TTC16: variants seen among roughly 807,000 people sequenced by gnomAD.
The protein encoded by TTC16 is tetratricopeptide repeat domain 16.
Under a neutral mutation model 80.4 loss-of-function variants are expected in TTC16, and 66 were observed. The ratio of observed to expected loss-of-function variants is 0.82; its 90% confidence interval spans 0.67 to 1.01. The LOEUF (loss-of-function observed/expected upper bound fraction) is 1.01. Among genes scored for constraint, TTC16 ranks in the 50% least tolerant of loss-of-function variants. The pLI, the probability that TTC16 is intolerant of heterozygous loss-of-function variation, is 0.00. For synonymous variants in TTC16, 438 were observed against 451.3 expected, an observed-to-expected ratio of 0.97 and a Z score of 0.37; for missense variants, 1,070 against 1,103.2, an observed-to-expected ratio of 0.97 and a Z score of 0.43.
intron 4 of TTC16, 107 bp from the exon 5 acceptor site, chr9:127,719,971 C>T: frequency 2.2e-6 from 2 of 920,554 alleles, no homozygotes; most frequent in Non-Finnish European, 3.5e-6. Context: ...AAGGCTCTGT[C>T]CTTGTCTTTG....
Position 127,731,476 on chromosome 9 carries a change from C to CA in TTC16, c.*72dup. The CA allele has an allele frequency of 6.5e-7, 1 of 1,528,230 alleles. No individual in the cohort carries two copies. The highest frequency in any genetic ancestry group is 8.8e-7 in the Non-Finnish European group (1 of 1,139,588). 94.7% of individuals were successfully genotyped at this position (1,528,230 alleles called of 1,614,324 possible). A position where few individuals can be genotyped will look rare whatever the true frequency, so the allele number is the denominator to read the frequency against. On this transcript the variant is annotated 3_prime_UTR_variant, in exon 14 of 14. Coordinates refer to ENST00000373289, the MANE Select transcript of TTC16 (RefSeq NM_144965.3). ...CTACCCACCTCCCCACACTGGCACT[C>CA]AGCCAGCTGCCTCCTTCCAGAGCAA... is the stretch of plus-strand genomic sequence containing the variant.
At chr9:127,724,938 G>C in intron 9 of TTC16, 41 bp downstream of exon 9, 1 of 1,454,544 alleles carries the variant, frequency 6.9e-7, no homozygotes, top group Non-Finnish European at 9.0e-7. Flanking sequence ...GGGCAGGCCC[G>C]AGGGCAGGGC....
Position 127,730,750 on chromosome 9 carries a change from C to A in TTC16, c.1967C>A (p.Ser656Ter). 1.9e-6 allele frequency: 3 copies of A among 1,613,700 alleles called. No individual in the cohort carries two copies. The South Asian group carries it at 3.3e-5, about 18-fold the overall frequency. The change falls in exon 14 of 14, where the codon TCG becomes TAG. Residue 656 changes from serine to a stop codon, truncating the protein, a stop_gained. Transcript: ENST00000373289. LOFTEE classifies it low-confidence loss of function (END_TRUNC). ...TCGTCACTGTTGAAGACGCAATCCTCGGACTCTGGGAACAACAGGGAGGCA... is the reference window on the plus strand; with the variant it reads ...TCGTCACTGTTGAAGACGCAATCCTAGGACTCTGGGAACAACAGGGAGGCA... Reference protein sequence around the residue: ...SDSSLLKTQSSDSGNNREALS... With the variant: ...SDSSLLKTQS
Position 127,731,246 on chromosome 9 carries a change from C to T in TTC16, c.2463C>T (p.Ala821=). ...SNWSLSKTEY[A]QGQGQRSSKA... is the part of the protein sequence containing the mutation. ...GGAGCCTCAGCAAAACTGAGTATGC[C>T]CAAGGCCAGGGCCAGAGGTCCAGCA... The change falls in exon 14 of 14, where the codon GCC becomes GCT. Residue 821 remains alanine (A), a synonymous_variant. Transcript: ENST00000373289. 1 of 1,612,930 alleles carries T rather than the reference C, an allele frequency of 6.2e-7. No homozygotes were observed. Among genetic ancestry groups the T allele is most frequent in the Non-Finnish European group, 8.5e-7 (1 of 1,179,896 alleles).
chr9:127,731,190 A>G lies in TTC16; in HGVS notation c.2407A>G (p.Thr803Ala), dbSNP rs146346251. The G allele has an allele frequency of 1.1e-4, 181 of 1,612,808 alleles. No individual in the cohort carries two copies. The highest frequency in any genetic ancestry group is 1.5e-4 in the Non-Finnish European group (173 of 1,179,918). The change falls in exon 14 of 14, where the codon ACC becomes GCC. Residue 803 changes from threonine (T) to alanine (A), a missense_variant. Physicochemically the swap from Thr to Ala is moderately conservative, Grantham distance 58. Coordinates refer to ENST00000373289, the MANE Select transcript of TTC16 (RefSeq NM_144965.3). ...AAGCAGGGGACTGCTCCGAAGTTCC[A>G]CCAAGACTGAGGCTTTCTATGACTC... ...GRSRGLLRSS[T>A]KTEAFYDSNW...
intron 4 of TTC16, 86 bp downstream of exon 4, chr9:127,717,858 C>T (rs1843173706): frequency 6.7e-7 from 1 of 1,485,946 alleles, no homozygotes; most frequent in African/African-American, 1.4e-5. Context: ...GCTCTGTCTC[C>T]TTAGATTCCT....
At chr9:127,725,027 TC>T in intron 9 of TTC16, 130 bp downstream of exon 9, 1 of 1,153,804 alleles carries the variant, frequency 8.7e-7, no homozygotes, top group Non-Finnish European at 1.2e-6. Flanking sequence ...ATCCCTGTAA[TC>T]CCCACGCAGG....
intron 13 of TTC16, chr9:127,730,328 G>A: frequency 2.3e-6 from 1 of 434,196 alleles, no homozygotes; most frequent in Non-Finnish European, 4.1e-6. Context: ...GAGGGTGCCA[G>A]GCGGGGGGAC....
At chr9:127,729,773 G>A (rs1844245195) in intron 13 of TTC16, 105 bp downstream of exon 13, 1 of 1,031,310 alleles carries the variant, frequency 9.7e-7, no homozygotes, top group Non-Finnish European at 1.5e-6. Flanking sequence ...CGGCCCCGCT[G>A]CTGACAGCTG....
At position 127,731,328 on chromosome 9, in the gene TTC16, G is replaced by C; in HGVS notation, c.2545G>C (p.Glu849Gln). 6.2e-7 allele frequency: 1 copy of C among 1,613,076 alleles called. No homozygotes were observed. The highest frequency in any genetic ancestry group is 1.7e-5 in the Admixed American group (1 of 60,026). ...CATGAGCTCAACTTCCAGCAAGGCC[G>C]AGTCCACCTGGGGACCCAGCCCAAG... ...QGMSSTSSKA[E>Q]STWGPSPSLS... Residue 849 changes from glutamate (E) to glutamine (Q), a missense_variant, in exon 14 of 14, where the codon GAG (glutamate) becomes CAG (glutamine). By Grantham distance (29) the Glu-to-Gln change is conservative. Transcript: ENST00000373289.
chr9:127,720,283 C>A lies in TTC16; in HGVS notation c.545C>A (p.Ala182Asp), dbSNP rs1160561769. The A allele has an allele frequency of 6.2e-7, 1 of 1,613,292 alleles. No individual in the cohort carries two copies. The highest frequency in any genetic ancestry group is 1.7e-5 in the Admixed American group (1 of 60,004). The change falls in exon 6 of 14, where the codon GCC becomes GAC. Residue 182 changes from alanine to aspartate, a missense_variant. Coordinates refer to ENST00000373289, the MANE Select transcript of TTC16 (RefSeq NM_144965.3). ...GCCCTCAGCATGGCCTGTCTCCTGG[C>A]CCTCAAGCAGCATCAGGCCTGCCTC... Reference protein sequence around the residue: ...FRYRCMACLLALKQHQACLTL... With the variant: ...FRYRCMACLLDLKQHQACLTL...
In TTC16 at chr9:127,724,257, T is replaced by G. The variant is rs142306735; in HGVS notation, c.1010T>G (p.Phe337Cys). The G allele has an allele frequency of 6.2e-5, 100 of 1,613,062 alleles. No individual in the cohort carries two copies. The highest frequency in any genetic ancestry group is 2.3e-4 in the Admixed American group (14 of 60,032). The change falls in exon 8 of 14, where the codon TTT (phenylalanine) becomes TGT (cysteine). Residue 337 changes from phenylalanine (F) to cysteine (C), a missense_variant. Transcript: ENST00000373289. Reference protein sequence around the residue: ...QRQLLLTYNDFAVHCYRQGAY... With the variant: ...QRQLLLTYNDCAVHCYRQGAY... ...CAGCTGTTGCTGACCTACAACGACT[T>G]TGCCGTGCACTGCTACAGGCAGGGC...
At chr9:127,719,535 C>T (rs988432568) in intron 4 of TTC16, among the ~76,000 whole-genome samples, 1 of 152,200 alleles carries the variant, frequency 6.6e-6, no homozygotes, top group Non-Finnish European at 1.5e-5. Context: ...CTCTGTCACC[C>T]AGGCTGGAGG....
rs1011666997 is a variant in TTC16 at position 127,721,849 on chromosome 9, C to A, written c.658-1270C>A. Among the ~76,000 whole-genome samples the A allele has an allele frequency of 4.6e-5, 7 of 152,082 alleles. No homozygotes were observed. In the East Asian group the frequency reaches 1.3e-3, roughly 29 times the overall value. On this transcript the variant is annotated intron_variant, in intron 6 of 13. Coordinates refer to ENST00000373289, the MANE Select transcript of TTC16 (RefSeq NM_144965.3). ...TCCTGAGTAGCTGGGATTACAGGCG[C>A]CTGCCCAGCTAATTTTTGTATTTTT...
Position 127,727,425 on chromosome 9 carries a change from C to A in TTC16, c.1724C>A (p.Ala575Asp). Residue 575 changes from alanine (A) to aspartate (D), a missense_variant, in exon 12 of 14, where the codon GCC becomes GAC. Coordinates refer to ENST00000373289, the MANE Select transcript of TTC16 (RefSeq NM_144965.3). ...GGAAGCTCAGAGGGAGAGGCTGAGG[C>A]CCCTGAGGAGGAGGAAGAAAAGGAG... Reference protein sequence around the residue: ...KPGSSEGEAEAPEEEEEKEKE... With the variant: ...KPGSSEGEAEDPEEEEEKEKE... 1.2e-6 allele frequency: 2 copies of A among 1,606,604 alleles called. No homozygotes were observed. Among genetic ancestry groups the A allele is most frequent in the Non-Finnish European group, 1.7e-6 (2 of 1,177,174 alleles).
In TTC16 at chr9:127,716,097, G is replaced by A. The variant is rs1588409043; in HGVS notation, c.-49G>A. 1.2e-6 allele frequency: 2 copies of A among 1,613,694 alleles called. No homozygotes were observed. Among genetic ancestry groups the A allele is most frequent in the African/African-American group, 1.3e-5 (1 of 75,066 alleles). ...GGTGCCTAGCAACGTCAGGGCCAGGGCCGCGAGGTAGTTGGCAGAGGCCTC... is the reference window on the plus strand; with the variant it reads ...GGTGCCTAGCAACGTCAGGGCCAGGACCGCGAGGTAGTTGGCAGAGGCCTC... On this transcript the variant is annotated 5_prime_UTR_variant, in exon 1 of 14. Transcript: ENST00000373289.
Position 127,722,993 on chromosome 9 carries a change from T to A in TTC16, c.658-126T>A. ...AAAAAAAAAAAAAAAGCAGAAAGGGTGGAACATGGAGGGATGTGAGGGGCA... is the reference window on the plus strand; with the variant it reads ...AAAAAAAAAAAAAAAGCAGAAAGGGAGGAACATGGAGGGATGTGAGGGGCA... On this transcript the variant is annotated intron_variant, in intron 6 of 13. Coordinates refer to ENST00000373289, the MANE Select transcript of TTC16 (RefSeq NM_144965.3). The surrounding 1 kb of genome is among the most constrained non-coding windows in gnomAD (Gnocchi z 4.2). 2 of 786,404 alleles carry A rather than the reference T, an allele frequency of 2.5e-6. No homozygotes were observed. Among genetic ancestry groups the A allele is most frequent in the Non-Finnish European group, 1.9e-6 (1 of 526,136 alleles). 48.7% of individuals were successfully genotyped at this position (786,404 alleles called of 1,614,324 possible). A position where few individuals can be genotyped will look rare whatever the true frequency, so the allele number is the denominator to read the frequency against.
At position 127,724,832 on chromosome 9, in the gene TTC16, C is replaced by A. The variant is rs1334457264; in HGVS notation, c.1194C>A (p.Asp398Glu). 3 of 1,603,504 alleles carry A rather than the reference C, an allele frequency of 1.9e-6. No individual in the cohort carries two copies. The highest frequency in any genetic ancestry group is 2.6e-6 in the Non-Finnish European group (3 of 1,175,976). ...AGGCGCTGGCGCTGAGCCCTCAGGA[C>A]GAGGGCGCCAACACGCGCATGGGCC... ...YQQALALSPQDEGANTRMGLL... is the reference protein window; with the variant it reads ...YQQALALSPQEEGANTRMGLL... The change falls in exon 9 of 14, where the codon GAC becomes GAA. Residue 398 changes from aspartate to glutamate, a missense_variant. Physicochemically the swap from Asp to Glu is conservative, Grantham distance 45. Coordinates refer to ENST00000373289, the MANE Select transcript of TTC16 (RefSeq NM_144965.3).
At position 127,716,945 on chromosome 9, in the gene TTC16, C is replaced by T. The variant is rs1554784789; in HGVS notation, c.120C>T (p.His40=). The change falls in exon 2 of 14, where the codon CAC becomes CAT. Residue 40 remains histidine, a synonymous_variant. Transcript: ENST00000373289. ...TGCAGCACATCTTTGGGACCAGCCA[C>T]GTGTTCCAAAGCATCTGTGATGTAA... ...GILQHIFGTS[H]VFQSICDVKP... is the part of the protein sequence containing the mutation. 4 of 1,614,158 alleles carry T rather than the reference C, an allele frequency of 2.5e-6. No individual in the cohort carries two copies. The highest frequency in any genetic ancestry group is 2.2e-5 in the South Asian group (2 of 91,084).
Sources: gnomAD v4.1 joint callset for allele counts (sites outside exome capture counted in the v4.1 genomes callset) on GRCh38, gnomAD v4.1.1 for gene constraint, Gnocchi (gnomAD v3.1) non-coding constraint, MANE v1.5 for transcripts, NCBI Gene and HGNC (gene_info 2026-07-23, HGNC 2026-07-21) for gene names.